URGCP: variants seen among roughly 807,000 people sequenced by gnomAD.
URGCP encodes the protein upregulator of cell proliferation.
A neutral mutation model predicts 24.6 loss-of-function variants in URGCP; 13 were observed. The observed-to-expected ratio is 0.53, with a 90% CI of 0.34 to 0.84. URGCP has a LOEUF of 0.84. Ranked by LOEUF, URGCP falls within the 40% of genes least tolerant of loss-of-function variation. The probability of loss-of-function intolerance (pLI) is 0.01; values close to 1 mark genes in which losing one functional copy is unlikely to be tolerated. For missense variants in URGCP, 899 were observed against 1,194.3 expected (o/e 0.75, Z 3.64); for synonymous variants, 444 against 487.2 (o/e 0.91, Z 1.17).
chr7:43,883,518 A>G (rs1355252949), intron 3 of URGCP, among the ~76,000 whole-genome samples: 1 of 151,218 alleles, frequency 6.6e-6, no homozygotes, highest in Non-Finnish European at 1.5e-5. Flanking sequence ...CCGCCACCAC[A>G]CCCAGCTAAT....
At chr7:43,905,985 C>T (rs933941287) in intron 1 of URGCP, 4 of 152,176 alleles carry the variant, frequency 2.6e-5, no homozygotes, top group Non-Finnish European at 4.4e-5. Context: ...CAAGGCAGGC[C>T]GGTAGGCAAT....
intron 1 of URGCP, chr7:43,918,563 G>A (rs923073048): frequency 2.1e-5 from 8 of 377,818 alleles, no homozygotes; most frequent in African/African-American, 1.4e-4. Context: ...TTACAGACAT[G>A]AGTCACCACA....
chr7:43,926,667 C>T (rs907398525), upstream of URGCP: 3 of 1,202,430 alleles, frequency 2.5e-6, no homozygotes, highest in South Asian at 1.6e-5. Flanking sequence ...GTCGCGGATA[C>T]ACCTGCCTGG....
chr7:43,878,464 G>T lies in URGCP; in HGVS notation c.999C>A (p.Ala333=), dbSNP rs750646733. Residue 333 remains alanine, a synonymous_variant, in exon 6 of 6, where the codon GCC becomes GCA. Coordinates refer to ENST00000453200, the MANE Select transcript of URGCP (RefSeq NM_001077663.3). The surrounding 1 kb of genome is among the most constrained non-coding windows in gnomAD (Gnocchi z 5.6). The part of the protein sequence containing the change: ...EDLDIFPEPV[A]FLNLRGDIGS... ...CGATGTCACCTCTCAGGTTCAGAAA[G>T]GCCACAGGTTCTGGGAAAATGTCCA... is the stretch of plus-strand genomic sequence containing the variant. 1.1e-5 allele frequency: 17 copies of T among 1,614,066 alleles called. No individual in the cohort carries two copies. Among genetic ancestry groups the T allele is most frequent in the Non-Finnish European group, 1.3e-5 (15 of 1,180,034 alleles).
At chr7:43,925,798 C>CTTTTTTTTTTTTTTTTT (rs60736722) in intron 1 of URGCP, among the ~76,000 whole-genome samples, 2 of 116,544 alleles carry the variant, frequency 1.7e-5, no homozygotes, top group Non-Finnish European at 3.4e-5. Context: ...CCTCGTCTGG[C>CTTTTTTTTTTTTTTTTT]TTTTTTTTTT....
At chr7:43,903,118 C>T (rs1389673132) in intron 1 of URGCP, among the ~76,000 whole-genome samples, 1 of 134,230 alleles carries the variant, frequency 7.4e-6, no homozygotes. Context: ...ACCCCCACTG[C>T]TATTAAAAAA....
intron 1 of URGCP, 178 bp downstream of exon 1, chr7:43,906,384 G>T: frequency 2.4e-6 from 1 of 418,506 alleles, no homozygotes; most frequent in Non-Finnish European, 2.6e-6. Flanking sequence ...CGCGCGGCCG[G>T]TCCGCCCAAG....
Position 43,876,671 on chromosome 7 carries a change from A to G in URGCP, c.2792T>C (p.Leu931Pro). The G allele has an allele frequency of 6.2e-7, 1 of 1,613,578 alleles. No homozygotes were observed. The highest frequency in any genetic ancestry group is 1.3e-5 in the African/African-American group (1 of 75,012). Residue 931 changes from leucine (L) to proline (P), a missense_variant, in exon 6 of 6, where the codon CTG (leucine) becomes CCG (proline). Physicochemically the swap from Leu to Pro is moderately conservative, Grantham distance 98. Transcript: ENST00000453200. ...GAACTGGGTTTCTCTGCACACTCACAGCCGTCTCACCAGCTCAATGAGCTG... is the reference window on the plus strand; with the variant it reads ...GAACTGGGTTTCTCTGCACACTCACGGCCGTCTCACCAGCTCAATGAGCTG... ...IQQLIELVRR[L>P]
chr7:43,904,541 G>A (rs2095897487), intron 1 of URGCP, among the ~76,000 whole-genome samples: 1 of 152,180 alleles, frequency 6.6e-6, no homozygotes, highest in Non-Finnish European at 1.5e-5. Flanking sequence ...AGATAGCCCT[G>A]AGGGTCTCAG....
chr7:43,877,845 T>C lies in URGCP; in HGVS notation c.1618A>G (p.Asn540Asp). Residue 540 changes from asparagine (N) to aspartate (D), a missense_variant, in exon 6 of 6, where the codon AAC (asparagine) becomes GAC (aspartate). Transcript: ENST00000453200. Reference sequence around the variant, plus strand: ...ACCCCCGAGGAGGGATCATGGCCGTTCTGCTGCATTCGAAGTTCTAGCAGC... The same window carrying C: ...ACCCCCGAGGAGGGATCATGGCCGTCCTGCTGCATTCGAAGTTCTAGCAGC... The part of the protein sequence containing the change: ...RRLLELRMQQ[N>D]GHDPSSGVQE... The C allele has an allele frequency of 6.2e-7, 1 of 1,611,418 alleles. No homozygotes were observed. The highest frequency in any genetic ancestry group is 8.5e-7 in the Non-Finnish European group (1 of 1,178,696).
intron 1 of URGCP, among the ~76,000 whole-genome samples, chr7:43,912,371 C>T (rs1359043914): frequency 1.3e-5 from 2 of 152,002 alleles, no homozygotes; most frequent in African/African-American, 4.8e-5. Context: ...TGGTGGCGCA[C>T]GCCTGTAGTC....
intron 1 of URGCP, among the ~76,000 whole-genome samples, chr7:43,925,922 T>C (rs926115387): frequency 8.1e-5 from 12 of 148,364 alleles, no homozygotes; most frequent in Admixed American, 6.9e-4. Flanking sequence ...CTTGGGAAAA[T>C]AGGAAGGAGA....
intron 3 of URGCP, among the ~76,000 whole-genome samples, chr7:43,883,321 AATATATATATATATACATATAT>A (rs1348153705): frequency 7.0e-4 from 94 of 134,550 alleles, no homozygotes; most frequent in African/African-American, 2.4e-3. Flanking sequence ...TATATATATA[AATATATATATATATACATATAT>A]ATATATATAT....
chr7:43,914,196 G>A (rs1270925676), intron 1 of URGCP, among the ~76,000 whole-genome samples: 1 of 152,072 alleles, frequency 6.6e-6, no homozygotes, highest in African/African-American at 2.4e-5. Flanking sequence ...TTTTGCCAGG[G>A]TGGCTTTTGA....
chr7:43,898,960 A>G (rs1261441504), intron 1 of URGCP, among the ~76,000 whole-genome samples: 2 of 149,158 alleles, frequency 1.3e-5, no homozygotes, highest in Non-Finnish European at 3.0e-5. Flanking sequence ...ACATGGTGAA[A>G]CTGTTTCCAC....
chr7:43,887,641 T>C, intron 2 of URGCP, 149 bp downstream of exon 2: 3 of 1,476,996 alleles, frequency 2.0e-6, no homozygotes, highest in East Asian at 2.5e-5. Context: ...TGGGAGCTGG[T>C]CCTGGGTATC....
intron 1 of URGCP, among the ~76,000 whole-genome samples, chr7:43,912,040 G>A (rs1284032202): frequency 1.3e-5 from 2 of 151,908 alleles, no homozygotes; most frequent in African/African-American, 4.8e-5. Context: ...CAAAACTTAT[G>A]GGATGCAGTG....
At chr7:43,926,655 G>A (rs546150121), upstream of URGCP, 3 of 1,318,384 alleles carry the variant, frequency 2.3e-6, no homozygotes, top group East Asian at 3.0e-5. Context: ...GAGGCTCCGC[G>A]AGTCGCGGAT....
At chr7:43,881,621 T>C (rs921539834) in intron 5 of URGCP, 38 bp downstream of exon 5, 12 of 1,613,818 alleles carry the variant, frequency 7.4e-6, no homozygotes, top group Admixed American at 1.7e-5. Flanking sequence ...ATAACCCCCT[T>C]TCATAGAACA....
Sources: allele counts gnomAD v4.1 joint callset (sites outside exome capture counted in the v4.1 genomes callset), GRCh38; gene constraint gnomAD v4.1.1; non-coding constraint Gnocchi (gnomAD v3.1); transcripts MANE v1.5; gene names NCBI Gene and HGNC (gene_info 2026-07-23, HGNC 2026-07-21).